The following SLC5A3 variants were observed in gnomAD, a reference collection of about 807,000 sequenced individuals.
SLC5A3 encodes sodium/myo-inositol cotransporter.
In SLC5A3, 10 loss-of-function variants were observed where a neutral mutation model predicts 43.2. That is an observed-to-expected ratio of 0.23 (90% confidence interval 0.14 to 0.39). The LOEUF (loss-of-function observed/expected upper bound fraction) is 0.39, where lower values mean the gene tolerates loss of function less well. Among genes scored for constraint, SLC5A3 ranks in the 10% least tolerant of loss-of-function variants. The pLI is 1.00. For synonymous variants in SLC5A3, 349 were observed against 322.0 expected (o/e 1.08, Z -0.90); for missense variants, 608 against 893.4 (o/e 0.68, Z 4.07).
intron 1 of SLC5A3, among the ~76,000 whole-genome samples, chr21:34,079,138 C>T (rs1989400907): frequency 6.6e-6 from 1 of 152,070 alleles, no homozygotes; most frequent in South Asian, 2.1e-4. Context: ...GACCTGTCAC[C>T]TATATTTTTG....
chr21:34,092,746 C>G (rs1476780640), intron 1 of SLC5A3, among the ~76,000 whole-genome samples: 1 of 152,222 alleles, frequency 6.6e-6, no homozygotes, highest in East Asian at 1.9e-4. Flanking sequence ...GCTACTATGA[C>G]ACATAACCCA....
At position 34,099,383 on chromosome 21, in the gene SLC5A3, A is replaced by G. The variant is rs192899685; in HGVS notation, c.*2028A>G. 2.9e-5 allele frequency: 29 copies of G among 1,000,304 alleles called. No individual in the cohort carries two copies. Among genetic ancestry groups the G allele is most frequent in the Admixed American group, 1.2e-4 (2 of 16,272 alleles). The allele number at this position is 1,000,304 out of a possible 1,614,324, so 62.0% of individuals were successfully genotyped here. A position where few individuals can be genotyped will look rare whatever the true frequency, so the allele number is the denominator to read the frequency against. On this transcript the variant is annotated 3_prime_UTR_variant, in exon 2 of 2. Transcript: ENST00000381151. ...GATGTGTCTGGACAAATGGTTGTCA[A>G]TGTTTTGTCCTGTTTTTTCAAAGGA...
intron 1 of SLC5A3, among the ~76,000 whole-genome samples, chr21:34,074,448 TC>T (rs1233045630): frequency 6.6e-6 from 1 of 152,258 alleles, no homozygotes; most frequent in Non-Finnish European, 1.5e-5. Context: ...GAAGACACTT[TC>T]TTCCCCCTGC....
chr21:34,103,501 A>T lies in SLC5A3; in HGVS notation c.*6146A>T. The T allele has an allele frequency of 1.0e-6, 1 of 999,286 alleles. No individual in the cohort carries two copies. The highest frequency in any genetic ancestry group is 1.2e-6 in the Non-Finnish European group (1 of 829,152). The allele number at this position is 999,286 out of a possible 1,614,324, so 61.9% of individuals were successfully genotyped here. ...TTTGTTGTGTTTCCATTGTAGGTTG[A>T]TAGGTATATCGAGAACAGGTACGTG... is the stretch of plus-strand genomic sequence containing the variant. On this transcript the variant is annotated 3_prime_UTR_variant, in exon 2 of 2. Coordinates refer to ENST00000381151, the MANE Select transcript of SLC5A3 (RefSeq NM_006933.7).
At chr21:34,086,921 C>T (rs1007768542) in intron 1 of SLC5A3, among the ~76,000 whole-genome samples, 2 of 152,168 alleles carry the variant, frequency 1.3e-5, no homozygotes, top group Non-Finnish European at 2.9e-5. Flanking sequence ...CTGACCTGCT[C>T]TTTCAGCTGT....
At chr21:34,078,977 T>C (rs1311752218) in intron 1 of SLC5A3, among the ~76,000 whole-genome samples, 1 of 152,264 alleles carries the variant, frequency 6.6e-6, no homozygotes, top group Non-Finnish European at 1.5e-5. Flanking sequence ...CTTAAGGAAT[T>C]AGTCAAATGA....
chr21:34,074,259 A>G (rs560637578), intron 1 of SLC5A3, among the ~76,000 whole-genome samples: 24 of 151,900 alleles, frequency 1.6e-4, no homozygotes, highest in African/African-American at 4.8e-4. Flanking sequence ...GTCCGCGCCC[A>G]ATAAAGCGTT....
At chr21:34,080,470 G>A (rs1989433706) in intron 1 of SLC5A3, among the ~76,000 whole-genome samples, 1 of 151,834 alleles carries the variant, frequency 6.6e-6, no homozygotes, top group African/African-American at 2.4e-5. Context: ...CTGTTTTTCT[G>A]TTTGGAACAC....
At position 34,106,159 on chromosome 21, in the gene SLC5A3, A is replaced by G. The variant is rs561454208; in HGVS notation, c.*8804A>G. On this transcript the variant is annotated 3_prime_UTR_variant, in exon 2 of 2. Coordinates refer to ENST00000381151, the MANE Select transcript of SLC5A3 (RefSeq NM_006933.7). ...AGATGAACTACATTTCTTGCAAAGT[A>G]CATTCCTTTCTGTGGTATTTTGTCC... 18 of 992,744 alleles carry G rather than the reference A, an allele frequency of 1.8e-5. No homozygotes were observed. In the East Asian group the frequency reaches 1.9e-3, roughly 107 times the overall value. 61.5% of individuals were successfully genotyped at this position (992,744 alleles called of 1,614,324 possible).
chr21:34,096,269 G>C lies in SLC5A3; in HGVS notation c.1071G>C (p.Lys357Asn), dbSNP rs146501421. 5 of 1,614,152 alleles carry C rather than the reference G, an allele frequency of 3.1e-6. No homozygotes were observed. In the East Asian group the frequency reaches 1.1e-4, roughly 36 times the overall value. Residue 357 changes from lysine to asparagine, a missense_variant, in exon 2 of 2, where the codon AAG (lysine) becomes AAC (asparagine). Lys to Asn is a moderately conservative substitution (Grantham distance 94, BLOSUM62 0). Transcript: ENST00000381151. The surrounding 1 kb of genome is among the most constrained non-coding windows in gnomAD (Gnocchi z 5.9). Reference protein sequence around the residue: ...SNIAYPRLVMKLVPVGLRGLM... With the variant: ...SNIAYPRLVMNLVPVGLRGLM... ...TTGCTTACCCACGCCTGGTGATGAA[G>C]CTGGTTCCTGTGGGCCTTCGGGGTT...
chr21:34,073,930 G>A (rs1469915989), intron 1 of SLC5A3, among the ~76,000 whole-genome samples, 185 bp downstream of exon 1: 1 of 145,384 alleles, frequency 6.9e-6, no homozygotes, highest in East Asian at 2.0e-4. Flanking sequence ...GCCGGGCCCG[G>A]CCGCGTGCGC....
intron 1 of SLC5A3, among the ~76,000 whole-genome samples, chr21:34,078,119 G>A (rs981230672): frequency 1.6e-4 from 24 of 152,088 alleles, no homozygotes; most frequent in Admixed American, 7.2e-4. Flanking sequence ...CAGTTCAAAC[G>A]GAAACATCTA....
At chr21:34,074,266 C>T (rs1368075685) in intron 1 of SLC5A3, among the ~76,000 whole-genome samples, 1 of 151,988 alleles carries the variant, frequency 6.6e-6, no homozygotes, top group Non-Finnish European at 1.5e-5. Context: ...CCCAATAAAG[C>T]GTTCCTCCAA....
At chr21:34,093,304 A>G (rs942271662) in intron 1 of SLC5A3, among the ~76,000 whole-genome samples, 1 of 151,304 alleles carries the variant, frequency 6.6e-6, no homozygotes, top group Non-Finnish European at 1.5e-5. Flanking sequence ...TGACACTTAG[A>G]AAGGATTTAA....
At chr21:34,074,488 C>T (rs553429190) in intron 1 of SLC5A3, among the ~76,000 whole-genome samples, 3 of 152,160 alleles carry the variant, frequency 2.0e-5, no homozygotes, top group African/African-American at 7.2e-5. Flanking sequence ...TAGGGGATTT[C>T]AGGTTTGGAG....
rs537558990 is a variant in SLC5A3 at position 34,104,540 on chromosome 21, A to G, written c.*7185A>G. 33 of 998,746 alleles carry G rather than the reference A, an allele frequency of 3.3e-5. No individual in the cohort carries two copies. The Admixed American group carries it at 1.5e-3, about 46-fold the overall frequency. 61.9% of individuals were successfully genotyped at this position (998,746 alleles called of 1,614,324 possible). A position where few individuals can be genotyped will look rare whatever the true frequency, so the allele number is the denominator to read the frequency against. On this transcript the variant is annotated 3_prime_UTR_variant, in exon 2 of 2. Transcript: ENST00000381151. ...AGGGAAAGACTTGGTCAACTCTAAT[A>G]TATCTAGAAGGAAGACTATATCTGG...
At position 34,099,374 on chromosome 21, in the gene SLC5A3, T is replaced by C; in HGVS notation, c.*2019T>C. ...GTTTGTTCAGATGTGTCTGGACAAA[T>C]GGTTGTCAATGTTTTGTCCTGTTTT... On this transcript the variant is annotated 3_prime_UTR_variant, in exon 2 of 2. Coordinates refer to ENST00000381151, the MANE Select transcript of SLC5A3 (RefSeq NM_006933.7). 3.0e-6 allele frequency: 3 copies of C among 1,000,296 alleles called. No homozygotes were observed. The highest frequency in any genetic ancestry group is 3.6e-6 in the Non-Finnish European group (3 of 829,996). The allele number at this position is 1,000,296 out of a possible 1,614,324, so 62.0% of individuals were successfully genotyped here.
chr21:34,095,136 T>C lies in SLC5A3; in HGVS notation c.-63T>C. ...GGTTTACAGACTTGGCTGGGGTTAC[T>C]AAAAATAAATAAAAAGTTGGACACT... On this transcript the variant is annotated 5_prime_UTR_variant, in exon 2 of 2. The change abolishes the stop of an existing upstream ORF in the 5' untranslated region. Coordinates refer to ENST00000381151, the MANE Select transcript of SLC5A3 (RefSeq NM_006933.7). The C allele has an allele frequency of 6.5e-7, 1 of 1,530,568 alleles. No homozygotes were observed. 94.8% of individuals were successfully genotyped at this position (1,530,568 alleles called of 1,614,324 possible). A position where few individuals can be genotyped will look rare whatever the true frequency, so the allele number is the denominator to read the frequency against.
At chr21:34,078,800 T>C (rs902321837) in intron 1 of SLC5A3, among the ~76,000 whole-genome samples, 1 of 152,240 alleles carries the variant, frequency 6.6e-6, no homozygotes, top group Non-Finnish European at 1.5e-5. Flanking sequence ...TGATTACTCA[T>C]GTTATAAAAA....
Sources: allele counts gnomAD v4.1 joint callset (sites outside exome capture counted in the v4.1 genomes callset), GRCh38; gene constraint gnomAD v4.1.1; non-coding constraint Gnocchi (gnomAD v3.1); transcripts MANE v1.5; gene names NCBI Gene and HGNC (gene_info 2026-07-23, HGNC 2026-07-21).